The following SPECC1L variants were observed in gnomAD, a reference collection of about 807,000 sequenced individuals.
SPECC1L encodes cytospin-A.
A neutral mutation model predicts 116.8 loss-of-function variants in SPECC1L; 40 were observed. That is an observed-to-expected ratio of 0.34 (90% CI 0.27 to 0.45). The LOEUF (loss-of-function observed/expected upper bound fraction) is 0.45, where lower values mean the gene tolerates loss of function less well. Ranked by LOEUF, SPECC1L falls within the 20% of genes least tolerant of loss-of-function variation. SPECC1L has a pLI of 1.00. For synonymous variants in SPECC1L, 504 were observed against 500.6 expected (o/e 1.01, Z -0.09); for missense variants, 1,110 against 1,373.6 (o/e 0.81, Z 3.03).
chr22:24,414,262 G>A (rs1479303245), intron 16 of SPECC1L, among the ~76,000 whole-genome samples: 5 of 152,178 alleles, frequency 3.3e-5, no homozygotes, highest in South Asian at 4.1e-4. Context: ...AAGTTCCTCC[G>A]CCCAGACTGG....
chr22:24,317,701 C>T (rs905151353), intron 4 of SPECC1L, among the ~76,000 whole-genome samples: 7 of 152,102 alleles, frequency 4.6e-5, no homozygotes, highest in African/African-American at 1.7e-4. Context: ...GGCTGCCCGG[C>T]AGAGATGCTC....
chr22:24,290,156 T>G (rs2049130247), intron 2 of SPECC1L, among the ~76,000 whole-genome samples: 1 of 152,226 alleles, frequency 6.6e-6, no homozygotes, highest in Admixed American at 6.5e-5. Context: ...TGGATTCACC[T>G]TGAGACTTTC....
At chr22:24,389,536 GA>G (rs1432473862) in intron 14 of SPECC1L, among the ~76,000 whole-genome samples, 1 of 150,924 alleles carries the variant, frequency 6.6e-6, no homozygotes, top group African/African-American at 2.4e-5. Flanking sequence ...TTTTTTTAGG[GA>G]AAGGATCTAT....
rs117710736 is a variant in SPECC1L, at chr22:24,329,971, A to G, written c.2221-285A>G. ...GCTTTGAAACTTGCATGAAGAAGGG[A>G]AGCTTGACATTATTATCATTAATAT... is the stretch of plus-strand genomic sequence containing the variant. On this transcript the variant is annotated intron_variant, in intron 7 of 16. Coordinates refer to ENST00000314328, the MANE Select transcript of SPECC1L (RefSeq NM_015330.6). Among the ~76,000 whole-genome samples, 1,130 of 152,338 alleles carry G rather than the reference A, an allele frequency of 7.4e-3. 6 individuals are homozygous for G. Among genetic ancestry groups the G allele is most frequent in the South Asian group, 0.013 (61 of 4,826 alleles).
intron 14 of SPECC1L, among the ~76,000 whole-genome samples, chr22:24,380,461 G>A (rs762188486): frequency 2.0e-5 from 3 of 152,170 alleles, no homozygotes; most frequent in Non-Finnish European, 4.4e-5. Flanking sequence ...TGCTTGGAAC[G>A]TGCGTGCTTT....
intron 15 of SPECC1L, chr22:24,412,368 G>C: frequency 1.9e-6 from 1 of 532,714 alleles, no homozygotes; most frequent in Non-Finnish European, 3.4e-6. Flanking sequence ...GCGTGTTCAG[G>C]TGCCACAGCA....
intron 14 of SPECC1L, among the ~76,000 whole-genome samples, chr22:24,372,978 A>G (rs1005877846): frequency 3.3e-5 from 5 of 152,212 alleles, no homozygotes; most frequent in South Asian, 2.1e-4. Context: ...TTATACACCA[A>G]TATCAGACAA....
intron 4 of SPECC1L, among the ~76,000 whole-genome samples, chr22:24,319,082 T>A (rs1445155339): frequency 6.6e-6 from 1 of 152,212 alleles, no homozygotes; most frequent in Non-Finnish European, 1.5e-5. Context: ...ACCTCATTGA[T>A]CTACCTGCCC....
rs62233069 is a variant in SPECC1L at position 24,284,199 on chromosome 22, G to A, written c.-38+7396G>A. 7.4e-3 allele frequency among the ~76,000 whole-genome samples: 1,120 copies of A among 152,098 alleles called. 5 individuals are homozygous for A. Among genetic ancestry groups the A allele is most frequent in the South Asian group, 0.012 (60 of 4,824 alleles). ...TCTTTTCTTCTTTTCCAACATAGGT[G>A]TTTAGTGTTATAAATTTCCCTTTAC... is the stretch of plus-strand genomic sequence containing the variant. On this transcript the variant is annotated intron_variant, in intron 2 of 16. Coordinates refer to ENST00000314328, the MANE Select transcript of SPECC1L (RefSeq NM_015330.6).
chr22:24,327,894 AAC>A (rs950203155), intron 6 of SPECC1L, among the ~76,000 whole-genome samples: 2 of 152,238 alleles, frequency 1.3e-5, no homozygotes, highest in South Asian at 2.1e-4. Flanking sequence ...ACACACTTGG[AAC>A]ACACACAACA....
intron 2 of SPECC1L, among the ~76,000 whole-genome samples, chr22:24,293,335 C>T (rs948395830): frequency 1.3e-5 from 2 of 151,992 alleles, no homozygotes; most frequent in African/African-American, 2.4e-5. Flanking sequence ...CACCTGTAGT[C>T]CCAGCTACTC....
At chr22:24,358,171 G>A (rs2146604608) in intron 11 of SPECC1L, among the ~76,000 whole-genome samples, 1 of 148,874 alleles carries the variant, frequency 6.7e-6, no homozygotes, top group South Asian at 2.1e-4. Context: ...TTGGAGTGCA[G>A]TGGTGTGATC....
chr22:24,371,782 T>C (rs546812648), intron 14 of SPECC1L, among the ~76,000 whole-genome samples: 1 of 152,292 alleles, frequency 6.6e-6, no homozygotes, highest in Non-Finnish European at 1.5e-5. Flanking sequence ...ACTGCAGTGG[T>C]GCGACCTTGG....
chr22:24,368,208 A>C (rs2041809072), intron 13 of SPECC1L, among the ~76,000 whole-genome samples: 1 of 151,960 alleles, frequency 6.6e-6, no homozygotes, highest in African/African-American at 2.4e-5. Context: ...CGGAATTTTA[A>C]CCCCCCCAAA....
intron 14 of SPECC1L, among the ~76,000 whole-genome samples, chr22:24,404,303 C>T (rs1008492510): frequency 6.6e-6 from 1 of 152,184 alleles, no homozygotes; most frequent in African/African-American, 2.4e-5. Context: ...CCGATGATGC[C>T]GCACTTTCTG....
chr22:24,319,353 C>T (rs1025764168), intron 4 of SPECC1L, among the ~76,000 whole-genome samples: 3 of 152,200 alleles, frequency 2.0e-5, no homozygotes, highest in African/African-American at 7.2e-5. Context: ...AAGCCCCTTA[C>T]CATCGGCTGT....
intron 15 of SPECC1L, 38 bp from the exon 16 acceptor site, chr22:24,412,610 C>G (rs985523867): frequency 6.2e-7 from 1 of 1,609,418 alleles, no homozygotes; most frequent in Non-Finnish European, 8.5e-7. Flanking sequence ...TTCTCTGTGC[C>G]TTGTTCATGC....
intron 2 of SPECC1L, among the ~76,000 whole-genome samples, chr22:24,299,436 C>CA (rs1569410441): frequency 6.6e-6 from 1 of 151,686 alleles, no homozygotes; most frequent in Non-Finnish European, 1.5e-5. Context: ...GACCCTGTCT[C>CA]AAAAAAACGG....
At position 24,322,855 on chromosome 22, in the gene SPECC1L, C is replaced by T. The variant is rs199981923; in HGVS notation, c.1875C>T (p.Ser625=). Residue 625 remains serine, a synonymous_variant, in exon 5 of 17, where the codon AGC becomes AGT. Transcript: ENST00000314328. ...DKEKAETLAS[S]LQEDLAHTRN... is the part of the protein sequence containing the mutation. ...AAAAAGCAGAGACTTTGGCTAGTAGCTTGCAGGAAGATCTGGCTCATACCC... is the reference window on the plus strand; with the variant it reads ...AAAAAGCAGAGACTTTGGCTAGTAGTTTGCAGGAAGATCTGGCTCATACCC... 1.9e-6 allele frequency: 3 copies of T among 1,612,998 alleles called. No homozygotes were observed. The highest frequency in any genetic ancestry group is 2.7e-5 in the African/African-American group (2 of 74,890).
Sources: gnomAD v4.1 joint callset for allele counts (sites outside exome capture counted in the v4.1 genomes callset) on GRCh38, gnomAD v4.1.1 for gene constraint, MANE v1.5 for transcripts, NCBI Gene and HGNC (gene_info 2026-07-23, HGNC 2026-07-21) for gene names.